EYA2: variants seen among roughly 807,000 people sequenced by gnomAD.
The protein encoded by EYA2 is protein phosphatase EYA2.
In EYA2, 31 loss-of-function variants were observed where a neutral mutation model predicts 69.2. The observed-to-expected ratio is 0.45, with a 90% CI of 0.34 to 0.60. The LOEUF (loss-of-function observed/expected upper bound fraction) is 0.60, where lower values mean the gene tolerates loss of function less well. Ranked by LOEUF, EYA2 falls within the 20% of genes least tolerant of loss-of-function variation. The pLI is 0.02. For synonymous variants in EYA2, 257 were observed against 279.4 expected (o/e 0.92, Z 0.80); for missense variants, 622 against 701.2 (o/e 0.89, Z 1.28).
chr20:46,901,365 A>G (rs556799842), intron 1 of EYA2: 1 of 152,342 alleles, frequency 6.6e-6, no homozygotes, highest in East Asian at 1.9e-4. Flanking sequence ...CATGGTTTCC[A>G]AAACAATTTT....
chr20:47,159,288 C>G (rs1267562050), intron 10 of EYA2, among the ~76,000 whole-genome samples: 1 of 152,002 alleles, frequency 6.6e-6, no homozygotes, highest in East Asian at 2.0e-4. Context: ...GAGAATGGCA[C>G]TCCCCATCTG....
At chr20:46,915,674 A>C (rs1383422520) in intron 1 of EYA2, among the ~76,000 whole-genome samples, 1 of 152,198 alleles carries the variant, frequency 6.6e-6, no homozygotes, top group Non-Finnish European at 1.5e-5. Flanking sequence ...GCCGGCATTT[A>C]AAAATTAGGA....
chr20:47,101,283 C>G (rs2032415901), intron 9 of EYA2, among the ~76,000 whole-genome samples: 1 of 152,124 alleles, frequency 6.6e-6, no homozygotes, highest in Non-Finnish European at 1.5e-5. Context: ...GATGGGATCT[C>G]ACTGTGTTGC....
chr20:47,157,336 A>G (rs926923531), intron 10 of EYA2, among the ~76,000 whole-genome samples: 8 of 137,036 alleles, frequency 5.8e-5, no homozygotes, highest in Non-Finnish European at 1.1e-4. Context: ...CCTTGGTGAC[A>G]GAGCAAGACT....
intron 5 of EYA2, among the ~76,000 whole-genome samples, chr20:47,038,289 C>G (rs148330683): frequency 0.016 from 2,400 of 152,172 alleles, 28 homozygotes; most frequent in Non-Finnish European, 0.025. Flanking sequence ...CACTTGAACC[C>G]AGGAGTTCGA....
At chr20:47,033,908 A>G (rs1182725543) in intron 5 of EYA2, among the ~76,000 whole-genome samples, 3 of 152,244 alleles carry the variant, frequency 2.0e-5, no homozygotes, top group African/African-American at 4.8e-5. Context: ...TCTCCTGACT[A>G]ATTTATTGGC....
rs77670100 is a variant in EYA2, at chr20:47,025,643, T to C, written c.415+9346T>C. 4.3e-3 allele frequency among the ~76,000 whole-genome samples: 659 copies of C among 152,310 alleles called. 6 individuals are homozygous for C. Among genetic ancestry groups the C allele is most frequent in the Non-Finnish European group, 6.0e-3 (406 of 68,028 alleles). On this transcript the variant is annotated intron_variant, in intron 5 of 15. Coordinates refer to ENST00000327619, the MANE Select transcript of EYA2 (RefSeq NM_005244.5). ...AAATGGTCATGAAAACCCCTATATGTATATTATTTTTTATAAGTATATCTG... is the reference window on the plus strand; with the variant it reads ...AAATGGTCATGAAAACCCCTATATGCATATTATTTTTTATAAGTATATCTG...
At chr20:46,959,936 A>C (rs527245772) in intron 1 of EYA2, among the ~76,000 whole-genome samples, 1 of 152,116 alleles carries the variant, frequency 6.6e-6, no homozygotes, top group African/African-American at 2.4e-5. Context: ...CGTGGGGGGA[A>C]TATGGGAATC....
At chr20:46,903,267 G>T (rs1190756292) in intron 1 of EYA2, among the ~76,000 whole-genome samples, 1 of 152,160 alleles carries the variant, frequency 6.6e-6, no homozygotes, top group Non-Finnish European at 1.5e-5. Flanking sequence ...GCTTTCTAAT[G>T]TTTGAGCAGC....
intron 5 of EYA2, among the ~76,000 whole-genome samples, chr20:47,024,198 C>A (rs1051364270): frequency 6.6e-6 from 1 of 152,132 alleles, no homozygotes; most frequent in African/African-American, 2.4e-5. Flanking sequence ...TTTTATATTC[C>A]TATAAATACT....
At chr20:47,156,012 A>G (rs1321432732) in intron 10 of EYA2, among the ~76,000 whole-genome samples, 1 of 145,368 alleles carries the variant, frequency 6.9e-6, no homozygotes, top group Non-Finnish European at 1.5e-5. Flanking sequence ...TCCCGTCTCT[A>G]CTTAAATATA....
intron 1 of EYA2, among the ~76,000 whole-genome samples, chr20:46,955,505 A>G (rs1347582851): frequency 6.6e-6 from 1 of 152,242 alleles, no homozygotes; most frequent in African/African-American, 2.4e-5. Flanking sequence ...TACAAAAGTA[A>G]TTAACATGCT....
At chr20:46,990,808 TC>T in intron 2 of EYA2, among the ~76,000 whole-genome samples, 1 of 152,230 alleles carries the variant, frequency 6.6e-6, no homozygotes. Flanking sequence ...TGAGACCCCC[TC>T]GTTGTTTTTC....
chr20:47,129,224 A>G (rs2033274693), intron 9 of EYA2, among the ~76,000 whole-genome samples: 1 of 152,244 alleles, frequency 6.6e-6, no homozygotes, highest in South Asian at 2.1e-4. Flanking sequence ...TCCTACTTAG[A>G]GGAGAAGCAC....
chr20:47,016,034 T>A (rs1423951603), intron 4 of EYA2, 147 bp from the exon 5 acceptor site: 5 of 683,708 alleles, frequency 7.3e-6, no homozygotes, highest in Non-Finnish European at 1.3e-5. Context: ...AGGCTCACTT[T>A]GGCTGACAAG....
chr20:47,013,558 T>C (rs1418133159), intron 4 of EYA2, among the ~76,000 whole-genome samples: 4 of 152,200 alleles, frequency 2.6e-5, no homozygotes, highest in Non-Finnish European at 5.9e-5. Flanking sequence ...AAAACTGGAA[T>C]CAACCTGGAG....
chr20:47,186,612 G>T (rs766995456), intron 15 of EYA2, among the ~76,000 whole-genome samples: 13 of 151,902 alleles, frequency 8.6e-5, no homozygotes, highest in Non-Finnish European at 1.9e-4. Context: ...ACCCGCCTTG[G>T]CCTCCCAAAG....
chr20:47,053,066 C>T (rs940509974), intron 5 of EYA2, among the ~76,000 whole-genome samples: 1 of 152,150 alleles, frequency 6.6e-6, no homozygotes, highest in Non-Finnish European at 1.5e-5. Context: ...CTGTGGAGGG[C>T]ATAGAATTGG....
At chr20:47,147,025 C>T (rs1410485453) in intron 10 of EYA2, among the ~76,000 whole-genome samples, 2 of 146,530 alleles carry the variant, frequency 1.4e-5, no homozygotes, top group African/African-American at 2.5e-5. Flanking sequence ...GTGGTTTTTA[C>T]TTGTTATATC....
Sources: gnomAD v4.1 joint callset for allele counts (sites outside exome capture counted in the v4.1 genomes callset) on GRCh38, gnomAD v4.1.1 for gene constraint, MANE v1.5 for transcripts, NCBI Gene and HGNC (gene_info 2026-07-23, HGNC 2026-07-21) for gene names.